The following NAV3 variants were observed in gnomAD, a reference collection of about 807,000 sequenced individuals.
The protein encoded by NAV3 is neuron navigator 3, also known as pore membrane and/or filament interacting like protein 1.
Under a neutral mutation model 244.7 loss-of-function variants are expected in NAV3, and 87 were observed. The ratio of observed to expected loss-of-function variants is 0.36; its 90% CI spans 0.30 to 0.42. NAV3 has a LOEUF of 0.42. Ranked by LOEUF, NAV3 falls within the 20% of genes least tolerant of loss-of-function variation. The pLI, the probability that NAV3 is intolerant of heterozygous loss-of-function variation, is 1.00. For synonymous variants in NAV3, 1,126 were observed against 1,042.2 expected (o/e 1.08, Z -1.55); for missense variants, 2,663 against 2,893.3 (o/e 0.92, Z 1.83).
At chr12:78,016,583 A>G (rs1876252768) in intron 8 of NAV3, among the ~76,000 whole-genome samples, 1 of 152,188 alleles carries the variant, frequency 6.6e-6, no homozygotes, top group Non-Finnish European at 1.5e-5. Context: ...GAATGAAGAA[A>G]ATAGGAAAGC....
Position 78,121,836 on chromosome 12 carries a change from C to G in NAV3, c.3750-104C>G, listed in dbSNP as rs571272942. ...TAGAGACAGGAAGTGCTTTGTAGTT[C>G]AGTACATCAAAGCACACTTGGCTCT... On this transcript the variant is annotated intron_variant, in intron 15 of 39. Coordinates refer to ENST00000397909, the MANE Select transcript of NAV3 (RefSeq NM_001024383.2). 3.5e-6 allele frequency: 5 copies of G among 1,409,340 alleles called. No homozygotes were observed. The Admixed American group carries it at 6.3e-5, about 18-fold the overall frequency. 87.3% of individuals were successfully genotyped at this position (1,409,340 alleles called of 1,614,324 possible). A position where few individuals can be genotyped will look rare whatever the true frequency, so the allele number is the denominator to read the frequency against.
intron 2 of NAV3, among the ~76,000 whole-genome samples, chr12:77,818,716 A>G (rs117259589): frequency 5.0e-4 from 76 of 152,236 alleles, no homozygotes; most frequent in South Asian, 1.4e-3. Flanking sequence ...GAGGAAACGC[A>G]TAACAAATTA....
chr12:77,662,864 T>C (rs1016598698), intron 2 of NAV3, among the ~76,000 whole-genome samples: 5 of 152,280 alleles, frequency 3.3e-5, no homozygotes, highest in South Asian at 2.1e-4. Flanking sequence ...AGCATGTTGA[T>C]GATAAAATTC....
At chr12:77,849,051 G>T (rs1374641500) in intron 1 of NAV3, among the ~76,000 whole-genome samples, 2 of 152,068 alleles carry the variant, frequency 1.3e-5, no homozygotes, top group Non-Finnish European at 2.9e-5. Flanking sequence ...CATAGACATT[G>T]TTGGCAAACT....
chr12:78,058,981 G>A lies in NAV3; in HGVS notation c.2517-15G>A, dbSNP rs377655401. ...GATTTAGTTTTCTGTGAATTAATTA[G>A]ACATTTCTTTTCAGGTACATGACAG... On this transcript the variant is annotated splice_polypyrimidine_tract_variant and intron_variant, in intron 11 of 39. Coordinates refer to ENST00000397909, the MANE Select transcript of NAV3 (RefSeq NM_001024383.2). 1 of 1,578,888 alleles carries A rather than the reference G, an allele frequency of 6.3e-7. No individual in the cohort carries two copies.
intron 10 of NAV3, 140 bp from the exon 11 acceptor site, chr12:78,050,624 T>G (rs901189335): frequency 1.1e-6 from 1 of 891,296 alleles, no homozygotes; most frequent in African/African-American, 1.7e-5. Flanking sequence ...GACCTCAAAA[T>G]GAATATAGAG....
chr12:77,683,152 T>C (rs1390439011), intron 2 of NAV3, among the ~76,000 whole-genome samples: 2 of 152,156 alleles, frequency 1.3e-5, no homozygotes, highest in Non-Finnish European at 2.9e-5. Context: ...TCAGATCTTA[T>C]ATTTGAGTTC....
chr12:78,021,706 C>T (rs1343576478), intron 8 of NAV3, 41 bp from the exon 9 acceptor site: 3 of 1,357,218 alleles, frequency 2.2e-6, no homozygotes, highest in Non-Finnish European at 3.1e-6. Flanking sequence ...TGACTAGTGA[C>T]TATAACTGCT....
At chr12:77,673,316 A>G (rs905907158) in intron 2 of NAV3, among the ~76,000 whole-genome samples, 3 of 152,154 alleles carry the variant, frequency 2.0e-5, no homozygotes, top group African/African-American at 7.2e-5. Flanking sequence ...AGCGTCTCAC[A>G]TGAATGATTC....
At chr12:78,035,165 A>G (rs543990120) in intron 9 of NAV3, among the ~76,000 whole-genome samples, 1 of 152,330 alleles carries the variant, frequency 6.6e-6, no homozygotes, top group Admixed American at 6.5e-5. Flanking sequence ...TAATATATAT[A>G]GTTATGAGAT....
intron 8 of NAV3, among the ~76,000 whole-genome samples, chr12:78,015,835 C>T (rs1292897378): frequency 1.3e-5 from 2 of 152,084 alleles, no homozygotes. Context: ...CTAATTCCAT[C>T]CTGTCTTCTG....
chr12:77,827,249 A>AC (rs1873102687), upstream of NAV3, among the ~76,000 whole-genome samples: 2 of 151,224 alleles, frequency 1.3e-5, no homozygotes, highest in African/African-American at 2.4e-5. Context: ...AAAAAAAAAA[A>AC]AAAAAAAAAA....
At chr12:78,080,499 T>C (rs2137814760) in intron 12 of NAV3, among the ~76,000 whole-genome samples, 1 of 152,362 alleles carries the variant, frequency 6.6e-6, no homozygotes, top group South Asian at 2.1e-4. Context: ...CAGAGATACT[T>C]TTCCTACCCT....
intron 7 of NAV3, among the ~76,000 whole-genome samples, chr12:78,004,130 G>A (rs181563645): frequency 1.3e-5 from 2 of 152,228 alleles, no homozygotes; most frequent in East Asian, 1.9e-4. Context: ...TCTAAGTTTT[G>A]CCATATGTAT....
intron 2 of NAV3, among the ~76,000 whole-genome samples, chr12:77,640,820 A>G (rs754245133): frequency 2.0e-5 from 3 of 152,174 alleles, no homozygotes; most frequent in Non-Finnish European, 4.4e-5. Context: ...TGGAGCCGAA[A>G]TGAGGGCAGC....
intron 20 of NAV3, chr12:78,143,405 T>C (rs761220087): frequency 4.5e-5 from 20 of 442,786 alleles, no homozygotes; most frequent in Non-Finnish European, 7.7e-5. Flanking sequence ...CTGAGGCGGG[T>C]GGATCACTTG....
At chr12:77,785,766 A>C (rs1870877139) in intron 2 of NAV3, among the ~76,000 whole-genome samples, 1 of 152,178 alleles carries the variant, frequency 6.6e-6, no homozygotes, top group South Asian at 2.1e-4. Flanking sequence ...GGTCTTTCTC[A>C]TGAAAGGAAT....
At chr12:77,787,049 C>T (rs1870936448) in intron 2 of NAV3, among the ~76,000 whole-genome samples, 1 of 151,936 alleles carries the variant, frequency 6.6e-6, no homozygotes, top group Admixed American at 6.6e-5. Context: ...GATCTGATAT[C>T]CTGAGGTTGA....
intron 1 of NAV3, among the ~76,000 whole-genome samples, chr12:77,923,067 A>G (rs1487787117): frequency 6.6e-6 from 1 of 151,988 alleles, no homozygotes; most frequent in Non-Finnish European, 1.5e-5. Context: ...TGAAGAGTGA[A>G]TAAACCATAA....
Sources: allele counts gnomAD v4.1 joint callset (sites outside exome capture counted in the v4.1 genomes callset), GRCh38; gene constraint gnomAD v4.1.1; transcripts MANE v1.5; gene names NCBI Gene and HGNC (gene_info 2026-07-23, HGNC 2026-07-21).